PHF20L1: variants seen among roughly 807,000 people sequenced by gnomAD.
PHF20L1 encodes the protein PHD finger protein 20 like 1.
Under a neutral mutation model 125.5 loss-of-function variants are expected in PHF20L1, and 44 were observed. The ratio of observed to expected loss-of-function variants is 0.35; its 90% CI spans 0.28 to 0.45. The LOEUF is 0.45. Ranked by LOEUF, PHF20L1 falls within the 20% of genes least tolerant of loss-of-function variation. PHF20L1 has a pLI of 1.00. For missense variants in PHF20L1, 1,012 were observed against 1,217.2 expected, an observed-to-expected ratio of 0.83 and a Z score of 2.51; for synonymous variants, 380 against 403.1, an observed-to-expected ratio of 0.94 and a Z score of 0.69.
rs765857536 is a variant in PHF20L1, at chr8:132,844,314, C to A, written c.2907C>A (p.Val969=). Reference sequence around the variant, plus strand: ...GGATGGACCTAATAGAAAAAGAAGTCGATGGTAATTTAAGAAAGAACTAAA... The same window carrying A: ...GGATGGACCTAATAGAAAAAGAAGTAGATGGTAATTTAAGAAAGAACTAAA... ...TSRMDLIEKE[V]DVLESWLDFT... The change falls in exon 20 of 21, where the codon GTC becomes GTA. Residue 969 remains valine, a synonymous_variant. Transcript: ENST00000395386. 2 of 1,599,222 alleles carry A rather than the reference C, an allele frequency of 1.3e-6. No homozygotes were observed. The highest frequency in any genetic ancestry group is 1.1e-5 in the South Asian group (1 of 89,258).
At chr8:132,820,992 A>G (rs1156279681) in intron 12 of PHF20L1, among the ~76,000 whole-genome samples, 1 of 151,634 alleles carries the variant, frequency 6.6e-6, no homozygotes, top group Non-Finnish European at 1.5e-5. Context: ...AGTTTCAAGG[A>G]GCATTTTCCT....
At chr8:132,836,064 G>A (rs1347630853) in intron 15 of PHF20L1, among the ~76,000 whole-genome samples, 1 of 151,960 alleles carries the variant, frequency 6.6e-6, no homozygotes. Context: ...GAAAAAGAAT[G>A]AAGAATCAGT....
At chr8:132,826,578 A>G (rs1836205158) in intron 14 of PHF20L1, 2 of 152,098 alleles carry the variant, frequency 1.3e-5, no homozygotes, top group African/African-American at 2.4e-5. Context: ...AGAAAACATA[A>G]TATTTCACTT....
intron 8 of PHF20L1, among the ~76,000 whole-genome samples, chr8:132,805,156 A>G (rs1410143531): frequency 6.6e-6 from 1 of 151,912 alleles, no homozygotes; most frequent in Non-Finnish European, 1.5e-5. Context: ...TATTGGAAAG[A>G]TGACTGTCTG....
At position 132,814,683 on chromosome 8, in the gene PHF20L1, T is replaced by A; in HGVS notation, c.977T>A (p.Ile326Asn). The A allele has an allele frequency of 6.2e-7, 1 of 1,610,252 alleles. No homozygotes were observed. The highest frequency in any genetic ancestry group is 8.5e-7 in the Non-Finnish European group (1 of 1,177,606). ...AGTCAGAAAAAAAATGAAGCTGACA[T>A]TAGCAGTTCTGCCAACACTCAGAAA... ...PQSQKKNEAD[I>N]SSSANTQKPA... Residue 326 changes from isoleucine to asparagine, a missense_variant, in exon 10 of 21, where the codon ATT (isoleucine) becomes AAT (asparagine). Coordinates refer to ENST00000395386, the MANE Select transcript of PHF20L1 (RefSeq NM_016018.5).
rs200284100 is a variant in PHF20L1, at chr8:132,842,790, G to A, written c.2663G>A (p.Ser888Asn). 10 of 1,613,028 alleles carry A rather than the reference G, an allele frequency of 6.2e-6. No homozygotes were observed. Among genetic ancestry groups the A allele is most frequent in the South Asian group, 1.1e-5 (1 of 91,046 alleles). Reference sequence around the variant, plus strand: ...GGGAGCTCAGATGATGATGATGTTAGTAGTTTGGAAGAAGAACAAGAATTC... The same window carrying A: ...GGGAGCTCAGATGATGATGATGTTAATAGTTTGGAAGAAGAACAAGAATTC... Reference protein sequence around the residue: ...DPGSSDDDDVSSLEEEQEFHM... With the variant: ...DPGSSDDDDVNSLEEEQEFHM... The change falls in exon 19 of 21, where the codon AGT (serine) becomes AAT (asparagine). Residue 888 changes from serine (S) to asparagine (N), a missense_variant. By Grantham distance (46) the Ser-to-Asn change is conservative. Transcript: ENST00000395386.
chr8:132,798,652 C>G, intron 4 of PHF20L1, 120 bp from the exon 5 acceptor site: 1 of 578,948 alleles, frequency 1.7e-6, no homozygotes, highest in South Asian at 2.7e-5. Context: ...TTAACAGGAG[C>G]ATTTGTAGTT....
chr8:132,804,923 A>G (rs1365245856), intron 8 of PHF20L1, among the ~76,000 whole-genome samples, 183 bp downstream of exon 8: 1 of 152,044 alleles, frequency 6.6e-6, no homozygotes, highest in East Asian at 1.9e-4. Flanking sequence ...TCTGTTGTAA[A>G]ATGTGAAAAA....
At chr8:132,776,855 T>C (rs977387581) in intron 1 of PHF20L1, among the ~76,000 whole-genome samples, 2 of 152,230 alleles carry the variant, frequency 1.3e-5, no homozygotes, top group African/African-American at 4.8e-5. Context: ...ATTTACATTC[T>C]TAATTATGAG....
At chr8:132,789,626 T>A (rs2553589) in intron 2 of PHF20L1, among the ~76,000 whole-genome samples, 70,188 of 151,892 alleles carry the variant, frequency 0.46, 16,356 homozygotes, top group South Asian at 0.52. Context: ...TTTTCTTGTT[T>A]AGTTTTCTGA....
intron 20 of PHF20L1, among the ~76,000 whole-genome samples, chr8:132,845,428 T>C (rs1379798376): frequency 6.6e-6 from 1 of 152,064 alleles, no homozygotes; most frequent in Non-Finnish European, 1.5e-5. Context: ...ACTGTTGTTA[T>C]CTTATTCCAG....
intron 19 of PHF20L1, chr8:132,843,237 G>A: frequency 1.0e-6 from 1 of 1,001,216 alleles, no homozygotes; most frequent in Non-Finnish European, 1.2e-6. Context: ...TCCTCTTTAT[G>A]TGAGTTAGAT....
chr8:132,793,688 C>T (rs1190518340), intron 2 of PHF20L1, among the ~76,000 whole-genome samples: 3 of 152,242 alleles, frequency 2.0e-5, no homozygotes, highest in Non-Finnish European at 2.9e-5. Context: ...TTTGGAATTA[C>T]AGAATTACCA....
At chr8:132,814,997 G>GTGGATAT in intron 10 of PHF20L1, 108 bp downstream of exon 10, 1 of 800,590 alleles carries the variant, frequency 1.2e-6, no homozygotes, top group South Asian at 2.0e-5. Context: ...AAAAACTCAA[G>GTGGATAT]TGGATATGAT....
chr8:132,842,655 A>G lies in PHF20L1; in HGVS notation c.2528A>G (p.Lys843Arg). Residue 843 changes from lysine (K) to arginine (R), a missense_variant, in exon 19 of 21, where the codon AAA (lysine) becomes AGA (arginine). Physicochemically the swap from Lys to Arg is conservative, Grantham distance 26. This residue lies in a region of PHF20L1 where 277 missense variants were observed against 283.6 expected (regional missense o/e 0.98). Coordinates refer to ENST00000395386, the MANE Select transcript of PHF20L1 (RefSeq NM_016018.5). ...GAAAAGAAATATGTACAGAACCATAAAGAACCACCTCGTTTGCCCCTAAAA... is the reference window on the plus strand; with the variant it reads ...GAAAAGAAATATGTACAGAACCATAGAGAACCACCTCGTTTGCCCCTAAAA... ...REEKKYVQNH[K>R]EPPRLPLKME... is the part of the protein sequence containing the mutation. 1 of 1,613,284 alleles carries G rather than the reference A, an allele frequency of 6.2e-7. No individual in the cohort carries two copies. Among genetic ancestry groups the G allele is most frequent in the South Asian group, 1.1e-5 (1 of 91,050 alleles).
At position 132,836,603 on chromosome 8, in the gene PHF20L1, A is replaced by G. The variant is rs778691303; in HGVS notation, c.1973A>G (p.Glu658Gly). 4.3e-6 allele frequency: 7 copies of G among 1,612,360 alleles called. No homozygotes were observed. The highest frequency in any genetic ancestry group is 5.9e-6 in the Non-Finnish European group (7 of 1,178,646). ...GAGAGTTTGCTTCTGAGTGGGGATG[A>G]ATACAATCAGGACTTTGATTCAACC... ...STESLLLSGD[E>G]YNQDFDSTNF... Residue 658 changes from glutamate (E) to glycine (G), a missense_variant, in exon 16 of 21, where the codon GAA becomes GGA. Glu to Gly is a moderately conservative substitution (Grantham distance 98, BLOSUM62 -2). Around this residue, in one of 7 missense-constraint regions of PHF20L1, gnomAD observed 320 missense variants for 293.8 expected, o/e 1.09. Coordinates refer to ENST00000395386, the MANE Select transcript of PHF20L1 (RefSeq NM_016018.5).
rs941481767 is a variant in PHF20L1, at chr8:132,839,596, A to T, written c.2387+14A>T. 3.1e-6 allele frequency: 5 copies of T among 1,595,348 alleles called. No individual in the cohort carries two copies. Among genetic ancestry groups the T allele is most frequent in the Non-Finnish European group, 3.4e-6 (4 of 1,163,866 alleles). ...TGGAATACTAAAGTAAGTGAAGGGC[A>T]GCAAAGGGAGGGTCACACTTCAGTG... On this transcript the variant is annotated intron_variant, in intron 18 of 20. Coordinates refer to ENST00000395386, the MANE Select transcript of PHF20L1 (RefSeq NM_016018.5).
At chr8:132,789,834 G>A (rs2131398251) in intron 2 of PHF20L1, among the ~76,000 whole-genome samples, 1 of 152,298 alleles carries the variant, frequency 6.6e-6, no homozygotes, top group South Asian at 2.1e-4. Flanking sequence ...AGAGCTCTAT[G>A]TAGAATTTTG....
chr8:132,795,898 C>T (rs1320097291), intron 4 of PHF20L1, among the ~76,000 whole-genome samples: 1 of 152,088 alleles, frequency 6.6e-6, no homozygotes, highest in Non-Finnish European at 1.5e-5. Flanking sequence ...CTTCCTTCCT[C>T]TCTCTCTCAA....
Sources: gnomAD v4.1 joint callset for allele counts (sites outside exome capture counted in the v4.1 genomes callset) on GRCh38, gnomAD v4.1.1 for gene constraint, gnomAD v4.1.1 regional missense constraint, MANE v1.5 for transcripts, NCBI Gene and HGNC (gene_info 2026-07-23, HGNC 2026-07-21) for gene names.